CRISPLD2: variants seen among roughly 807,000 people sequenced by gnomAD.
The protein encoded by CRISPLD2 is cysteine rich secretory protein LCCL domain containing 2.
In CRISPLD2, 47 loss-of-function variants were observed where a neutral mutation model predicts 71.1. That is an observed-to-expected ratio of 0.66 (90% CI 0.52 to 0.84). The LOEUF (loss-of-function observed/expected upper bound fraction) is 0.84, where lower values mean the gene tolerates loss of function less well. Ranked by LOEUF, CRISPLD2 falls within the 40% of genes least tolerant of loss-of-function variation. CRISPLD2 has a pLI of 0.00. For missense variants in CRISPLD2, 830 were observed against 651.1 expected (o/e 1.27, Z -2.99); for synonymous variants, 317 against 250.1 (o/e 1.27, Z -2.52).
intron 11 of CRISPLD2, 60 bp from the exon 12 acceptor site, chr16:84,877,378 G>A: frequency 6.6e-7 from 1 of 1,518,212 alleles, no homozygotes. Flanking sequence ...TGCACAGCCT[G>A]GTAGCCTGAG....
chr16:84,854,897 C>T (rs1014284124), intron 6 of CRISPLD2, 68 bp downstream of exon 6: 17 of 1,223,838 alleles, frequency 1.4e-5, no homozygotes, highest in African/African-American at 6.0e-5. Flanking sequence ...GACAGCGTTA[C>T]ATGAAACAGG....
At chr16:84,898,655 C>T (rs1216955555) in intron 14 of CRISPLD2, among the ~76,000 whole-genome samples, 1 of 152,160 alleles carries the variant, frequency 6.6e-6, no homozygotes, top group Non-Finnish European at 1.5e-5. Flanking sequence ...TGCTACTTCT[C>T]ACCCCACCCC....
intron 14 of CRISPLD2, among the ~76,000 whole-genome samples, chr16:84,904,494 G>C (rs982115942): frequency 1.3e-5 from 2 of 152,016 alleles, no homozygotes; most frequent in African/African-American, 2.4e-5. Flanking sequence ...TGAGGCCAGA[G>C]AATCACTTGA....
chr16:84,832,821 A>C (rs1916520816), intron 1 of CRISPLD2, among the ~76,000 whole-genome samples: 1 of 152,222 alleles, frequency 6.6e-6, no homozygotes, highest in African/African-American at 2.4e-5. Context: ...CCAATGACGC[A>C]ATGAGCTTCA....
intron 1 of CRISPLD2, among the ~76,000 whole-genome samples, chr16:84,832,545 G>A (rs768608654): frequency 6.6e-6 from 1 of 152,274 alleles, no homozygotes; most frequent in Non-Finnish European, 1.5e-5. Context: ...GGCGGTGAAC[G>A]AGACCCGCAG....
chr16:84,907,032 T>A lies in CRISPLD2; in HGVS notation c.*390T>A, dbSNP rs973252968. ...AGAACAAACCATTTGAAGCTCACAA[T>A]TGTGAAGCATTCACGGCGTCGGAAG... On this transcript the variant is annotated 3_prime_UTR_variant, in exon 15 of 15. Transcript: ENST00000262424. The A allele has an allele frequency of 2.0e-5, 5 of 246,024 alleles. No homozygotes were observed. Among genetic ancestry groups the A allele is most frequent in the Non-Finnish European group, 4.0e-5 (5 of 125,146 alleles). 15.2% of individuals were successfully genotyped at this position (246,024 alleles called of 1,614,324 possible). A position where few individuals can be genotyped will look rare whatever the true frequency, so the allele number is the denominator to read the frequency against.
chr16:84,890,847 T>G (rs1432788846), intron 14 of CRISPLD2, among the ~76,000 whole-genome samples: 1 of 152,106 alleles, frequency 6.6e-6, no homozygotes, highest in African/African-American at 2.4e-5. Context: ...AATTCCTAAG[T>G]GGGGCCTTTC....
intron 12 of CRISPLD2, 67 bp from the exon 13 acceptor site, chr16:84,880,442 A>G (rs1038932406): frequency 3.2e-6 from 4 of 1,253,574 alleles, no homozygotes; most frequent in African/African-American, 3.0e-5. Context: ...TCAAATAAAG[A>G]GAGCCAGCTT....
At chr16:84,888,359 C>A (rs2071631271) in intron 13 of CRISPLD2, among the ~76,000 whole-genome samples, 1 of 152,210 alleles carries the variant, frequency 6.6e-6, no homozygotes, top group East Asian at 1.9e-4. Flanking sequence ...CACAGCGAGA[C>A]CTTGTCCCTA....
chr16:84,876,648 C>G (rs915186497), intron 11 of CRISPLD2, among the ~76,000 whole-genome samples: 21 of 152,084 alleles, frequency 1.4e-4, no homozygotes, highest in Non-Finnish European at 3.1e-4. Context: ...CAAAAATTAG[C>G]TGGCTGTGGT....
Position 84,909,106 on chromosome 16 carries a change from G to A in CRISPLD2, c.*2464G>A, listed in dbSNP as rs1339689413. On this transcript the variant is annotated 3_prime_UTR_variant, in exon 15 of 15. Transcript: ENST00000262424. ...CTGTCCCTAGCACCACCTCTCCTGTGTGTGGAATAGAGGCCCCTCGTGCTA... is the reference window on the plus strand; with the variant it reads ...CTGTCCCTAGCACCACCTCTCCTGTATGTGGAATAGAGGCCCCTCGTGCTA... 4 of 152,578 alleles carry A rather than the reference G, an allele frequency of 2.6e-5. No homozygotes were observed. The highest frequency in any genetic ancestry group is 9.7e-5 in the African/African-American group (4 of 41,430). The allele number at this position is 152,578 out of a possible 1,614,324, so 9.5% of individuals were successfully genotyped here.
chr16:84,891,012 C>T (rs2071657377), intron 14 of CRISPLD2, among the ~76,000 whole-genome samples: 1 of 152,128 alleles, frequency 6.6e-6, no homozygotes, highest in Non-Finnish European at 1.5e-5. Flanking sequence ...GGTGATCTGC[C>T]TGGCTTGGCC....
intron 2 of CRISPLD2, among the ~76,000 whole-genome samples, chr16:84,843,872 T>C (rs1009656603): frequency 1.3e-5 from 2 of 151,016 alleles, no homozygotes; most frequent in Non-Finnish European, 3.0e-5. Context: ...GACTCAAGGT[T>C]TGTTGCCCCT....
intron 14 of CRISPLD2, among the ~76,000 whole-genome samples, chr16:84,904,550 C>T (rs2071784121): frequency 6.6e-6 from 1 of 151,158 alleles, no homozygotes; most frequent in Admixed American, 6.6e-5. Flanking sequence ...CACCACTGTA[C>T]TCCAGCCTGG....
chr16:84,849,150 G>A lies in CRISPLD2; in HGVS notation c.360-235G>A, dbSNP rs113156814. ...GTACCAGGTGCTGCTGGAATTGAGG[G>A]TTATTCCCCCACCTCGGCCTCCCTC... is the stretch of plus-strand genomic sequence containing the variant. On this transcript the variant is annotated intron_variant, in intron 3 of 14. Transcript: ENST00000262424. 1.1e-3 allele frequency: 551 copies of A among 522,738 alleles called. 5 individuals are homozygous for A. The highest frequency in any genetic ancestry group is 9.7e-3 in the African/African-American group (508 of 52,642). The allele number at this position is 522,738 out of a possible 1,614,324, so 32.4% of individuals were successfully genotyped here. A position where few individuals can be genotyped will look rare whatever the true frequency, so the allele number is the denominator to read the frequency against.
intron 14 of CRISPLD2, among the ~76,000 whole-genome samples, chr16:84,900,117 C>A (rs111665065): frequency 1.3e-5 from 2 of 152,152 alleles, no homozygotes; most frequent in Non-Finnish European, 2.9e-5. Context: ...GAGCCACCTG[C>A]GGCCAAGCGT....
chr16:84,838,443 C>A lies in CRISPLD2; in HGVS notation c.-53C>A. 6.3e-7 allele frequency: 1 copy of A among 1,584,658 alleles called. No individual in the cohort carries two copies. Among genetic ancestry groups the A allele is most frequent in the Non-Finnish European group, 8.6e-7 (1 of 1,163,936 alleles). ...TCAGAGCTCAAGCGCCCAGCTCTGCCCGAGGAGCCCAGGCTGCCCCGTGAG... is the reference window on the plus strand; with the variant it reads ...TCAGAGCTCAAGCGCCCAGCTCTGCACGAGGAGCCCAGGCTGCCCCGTGAG... On this transcript the variant is annotated 5_prime_UTR_variant, in exon 2 of 15. Transcript: ENST00000262424.
chr16:84,875,856 G>T (rs2071514222), intron 11 of CRISPLD2, among the ~76,000 whole-genome samples: 1 of 151,690 alleles, frequency 6.6e-6, no homozygotes, highest in Non-Finnish European at 1.5e-5. Flanking sequence ...GTGAGCCATT[G>T]CACCCGGCCT....
intron 11 of CRISPLD2, among the ~76,000 whole-genome samples, chr16:84,877,005 T>C (rs2071524742): frequency 6.6e-6 from 1 of 152,020 alleles, no homozygotes; most frequent in Non-Finnish European, 1.5e-5. Flanking sequence ...CAGAAGGAGC[T>C]CTAGAGCAGG....
Sources: gnomAD v4.1 joint callset for allele counts (sites outside exome capture counted in the v4.1 genomes callset) on GRCh38, gnomAD v4.1.1 for gene constraint, MANE v1.5 for transcripts, NCBI Gene and HGNC (gene_info 2026-07-23, HGNC 2026-07-21) for gene names.